ACACA: variants seen among roughly 807,000 people sequenced by gnomAD.
ACACA encodes the protein acetyl-CoA carboxylase 1.
Under a neutral mutation model 296.1 loss-of-function variants are expected in ACACA, and 103 were observed. The observed-to-expected ratio is 0.35, with a 90% CI of 0.30 to 0.41. The LOEUF (loss-of-function observed/expected upper bound fraction) is 0.41. ACACA is among the 10% of genes least tolerant of loss of function. The pLI is 1.00. For missense variants in ACACA, 1,554 were observed against 2,989.7 expected (o/e 0.52, Z 11.20); for synonymous variants, 953 against 1,038.6 (o/e 0.92, Z 1.58).
At chr17:37,362,637 CG>C (rs2049444688) in intron 1 of ACACA, among the ~76,000 whole-genome samples, 1 of 152,130 alleles carries the variant, frequency 6.6e-6, no homozygotes, top group South Asian at 2.1e-4. Flanking sequence ...ATTAGGGCAT[CG>C]TTTCTCAAAG....
chr17:37,139,867 G>GA (rs1290695547), intron 45 of ACACA, among the ~76,000 whole-genome samples: 1 of 152,114 alleles, frequency 6.6e-6, no homozygotes, highest in Non-Finnish European at 1.5e-5. Context: ...ATTTGTTCTT[G>GA]AGACAAGACC....
intron 1 of ACACA, among the ~76,000 whole-genome samples, chr17:37,381,565 T>C (rs1225567280): frequency 6.6e-6 from 1 of 151,866 alleles, no homozygotes; most frequent in East Asian, 1.9e-4. Context: ...CATACTTTTT[T>C]ATATTTGCCT....
At chr17:37,162,113 C>T in intron 41 of ACACA, 63 bp from the exon 42 acceptor site, 1 of 1,570,868 alleles carries the variant, frequency 6.4e-7, no homozygotes, top group Non-Finnish European at 8.7e-7. Flanking sequence ...TTTTCAGGTT[C>T]ATTGAAGGTA....
At chr17:37,147,285 A>T (rs1377826930) in intron 45 of ACACA, among the ~76,000 whole-genome samples, 1 of 152,170 alleles carries the variant, frequency 6.6e-6, no homozygotes, top group Non-Finnish European at 1.5e-5. Flanking sequence ...ACTTTCTCAC[A>T]CATGAACACA....
Position 37,258,221 on chromosome 17 carries a change from A to G in ACACA, c.1653T>C (p.Asn551=), listed in dbSNP as rs1273193785. The G allele has an allele frequency of 1.1e-5, 17 of 1,614,126 alleles. No individual in the cohort carries two copies. The highest frequency in any genetic ancestry group is 1.4e-5 in the Non-Finnish European group (17 of 1,180,006). ...HVIAARITSE[N]PDEGFKPSSG... ...TTAAGTGATGGGTTACCTCATCTGGATTTTCACTAGTGATCCGAGCAGCAA... is the reference window on the plus strand; with the variant it reads ...TTAAGTGATGGGTTACCTCATCTGGGTTTTCACTAGTGATCCGAGCAGCAA... Residue 551 remains asparagine (N), a synonymous_variant, in exon 13 of 56, where the codon AAT becomes AAC. Transcript: ENST00000616317.
chr17:37,287,569 T>TAAAAAAAAA, intron 3 of ACACA, among the ~76,000 whole-genome samples: 2 of 69,886 alleles, frequency 2.9e-5, no homozygotes, highest in South Asian at 4.4e-4. Flanking sequence ...ACGTCTCTAC[T>TAAAAAAAAA]AAAAAAAAAA....
chr17:37,205,603 T>C (rs1448557613), intron 33 of ACACA, among the ~76,000 whole-genome samples, 162 bp downstream of exon 33: 2 of 152,200 alleles, frequency 1.3e-5, no homozygotes, highest in Admixed American at 6.5e-5. Flanking sequence ...TTATATATTA[T>C]TAAGTCACTT....
chr17:37,253,726 T>C (rs2081098785), intron 14 of ACACA, among the ~76,000 whole-genome samples: 1 of 152,226 alleles, frequency 6.6e-6, no homozygotes, highest in Non-Finnish European at 1.5e-5. Flanking sequence ...ATTAGGGCAT[T>C]AATTCTCCCT....
At chr17:37,394,243 C>T (rs968008999) in intron 1 of ACACA, among the ~76,000 whole-genome samples, 1 of 150,634 alleles carries the variant, frequency 6.6e-6, no homozygotes, top group South Asian at 2.1e-4. Flanking sequence ...TGCAGTTTCG[C>T]TCTGTTGCCC....
intron 12 of ACACA, 21 bp from the exon 13 acceptor site, chr17:37,258,394 C>T (rs2146205236): frequency 1.2e-6 from 2 of 1,613,014 alleles, no homozygotes; most frequent in South Asian, 1.1e-5. Context: ...ATAAAACACA[C>T]ATCTTTAATT....
At chr17:37,234,220 T>C (rs987608829) in intron 25 of ACACA, among the ~76,000 whole-genome samples, 3 of 152,134 alleles carry the variant, frequency 2.0e-5, no homozygotes, top group African/African-American at 7.2e-5. Flanking sequence ...CTCAGGACCA[T>C]GGGGTGAGGG....
At chr17:37,388,612 A>G in intron 1 of ACACA, 2 of 1,556,314 alleles carry the variant, frequency 1.3e-6, no homozygotes, top group South Asian at 1.2e-5. Context: ...CAAAGGATCA[A>G]TCTCTTTCCT....
At chr17:37,334,649 C>T (rs1035887982) in intron 2 of ACACA, among the ~76,000 whole-genome samples, 3 of 152,110 alleles carry the variant, frequency 2.0e-5, no homozygotes, top group Middle Eastern at 3.2e-3. Flanking sequence ...GGGAAAGTAA[C>T]TAAAATCGTA....
chr17:37,321,966 G>A (rs924149346), intron 3 of ACACA, among the ~76,000 whole-genome samples: 2 of 150,958 alleles, frequency 1.3e-5, no homozygotes, highest in South Asian at 2.1e-4. Context: ...AAAATGAAAT[G>A]TGGTATCTAG....
intron 1 of ACACA, among the ~76,000 whole-genome samples, chr17:37,368,258 C>T (rs533253614): frequency 1.0e-4 from 15 of 149,284 alleles, no homozygotes; most frequent in African/African-American, 2.7e-4. Context: ...GGTGACAGAG[C>T]GAGACTCCGT....
intron 3 of ACACA, among the ~76,000 whole-genome samples, chr17:37,313,483 A>T (rs2046944370): frequency 6.6e-6 from 1 of 152,232 alleles, no homozygotes; most frequent in Non-Finnish European, 1.5e-5. Context: ...ATAGGAAAAT[A>T]TCTAATAATC....
chr17:37,142,044 C>A, intron 45 of ACACA, among the ~76,000 whole-genome samples: 1 of 149,382 alleles, frequency 6.7e-6, no homozygotes, highest in African/African-American at 2.5e-5. Context: ...GGTTCTGTAA[C>A]TCCAAAAAAT....
chr17:37,126,471 G>A (rs1370014708), intron 47 of ACACA, among the ~76,000 whole-genome samples: 1 of 151,974 alleles, frequency 6.6e-6, no homozygotes, highest in African/African-American at 2.4e-5. Context: ...TTCCTTCACT[G>A]GCAAGACCCA....
chr17:37,192,837 TTA>T (rs1240244006), intron 36 of ACACA, among the ~76,000 whole-genome samples: 1 of 152,176 alleles, frequency 6.6e-6, no homozygotes, highest in African/African-American at 2.4e-5. Flanking sequence ...ATATAATTAC[TTA>T]TATATGTTTT....
Sources: allele counts gnomAD v4.1 joint callset (sites outside exome capture counted in the v4.1 genomes callset), GRCh38; gene constraint gnomAD v4.1.1; transcripts MANE v1.5; gene names NCBI Gene and HGNC (gene_info 2026-07-23, HGNC 2026-07-21).